The following TUSC3 variants were observed in gnomAD, a reference collection of about 807,000 sequenced individuals.
The protein encoded by TUSC3 is tumor suppressor candidate 3, also known as dolichyl-diphosphooligosaccharide--protein glycosyltransferase subunit TUSC3.
Under a neutral mutation model 44.8 loss-of-function variants are expected in TUSC3, and 45 were observed. That is an observed-to-expected ratio of 1.00 (90% confidence interval 0.79 to 1.29). The LOEUF (loss-of-function observed/expected upper bound fraction) is 1.29, where lower values mean the gene tolerates loss of function less well. Ranked by LOEUF, TUSC3 falls within the 50% of genes most tolerant of loss-of-function variation. TUSC3 has a pLI of 0.00. For synonymous variants in TUSC3, 212 were observed against 152.9 expected (o/e 1.39, Z -2.85); for missense variants, 519 against 437.9 (o/e 1.19, Z -1.65).
At chr8:15,839,330 C>A in the TUSC3 span, among the ~76,000 whole-genome samples, 1 of 151,814 alleles carries the variant, frequency 6.6e-6, no homozygotes, top group Non-Finnish European at 1.5e-5. Context: ...TTCCTCTTTT[C>A]CTAATGGAAT....
intron 2 of TUSC3, among the ~76,000 whole-genome samples, chr8:15,638,206 C>A (rs895724472): frequency 1.3e-5 from 2 of 152,088 alleles, no homozygotes; most frequent in East Asian, 3.9e-4. Flanking sequence ...CCCTCGTACC[C>A]CTTTTTCCCT....
intron 1 of TUSC3, among the ~76,000 whole-genome samples, chr8:15,573,470 G>A (rs1802969839): frequency 1.3e-5 from 2 of 151,860 alleles, no homozygotes; most frequent in African/African-American, 2.4e-5. Context: ...GATAGAAGGA[G>A]CCCAGTGGGT....
chr8:15,614,577 A>C (rs1804906894), intron 1 of TUSC3, among the ~76,000 whole-genome samples: 2 of 152,196 alleles, frequency 1.3e-5, no homozygotes, highest in South Asian at 4.1e-4. Flanking sequence ...TCTTTCAGTG[A>C]ATATAATGTT....
At chr8:15,613,859 A>G (rs1213160164) in intron 1 of TUSC3, among the ~76,000 whole-genome samples, 1 of 152,132 alleles carries the variant, frequency 6.6e-6, no homozygotes, top group Non-Finnish European at 1.5e-5. Flanking sequence ...GCTGAGATTC[A>G]TGAGCATAAT....
chr8:15,485,058 T>G (rs1431080870), intron 2 of TUSC3, among the ~76,000 whole-genome samples: 2 of 152,140 alleles, frequency 1.3e-5, no homozygotes, highest in Non-Finnish European at 2.9e-5. Flanking sequence ...GGTCATTCAT[T>G]TTTCATTTGC....
chr8:15,607,167 A>C (rs1251556045), intron 1 of TUSC3, among the ~76,000 whole-genome samples: 1 of 152,014 alleles, frequency 6.6e-6, no homozygotes, highest in Non-Finnish European at 1.5e-5. Flanking sequence ...GAACCAAGGA[A>C]ACGTGTGGAC....
intron 2 of TUSC3, among the ~76,000 whole-genome samples, chr8:15,495,082 T>G (rs1800863523): frequency 6.6e-6 from 1 of 152,116 alleles, no homozygotes; most frequent in Admixed American, 6.5e-5. Flanking sequence ...AAATACAGGA[T>G]CTCATTCTTT....
At chr8:15,431,722 G>A (rs1799875804) in intron 1 of TUSC3, among the ~76,000 whole-genome samples, 1 of 151,332 alleles carries the variant, frequency 6.6e-6, no homozygotes, top group Non-Finnish European at 1.5e-5. Flanking sequence ...TGGTAAGACT[G>A]GGCAACTTTG....
chr8:15,462,445 A>G (rs565797527), intron 1 of TUSC3, among the ~76,000 whole-genome samples: 2 of 152,210 alleles, frequency 1.3e-5, no homozygotes, highest in South Asian at 4.1e-4. Context: ...GACTAAAGGA[A>G]TTGCCCATGG....
At chr8:15,471,192 T>C (rs1340893382) in intron 1 of TUSC3, among the ~76,000 whole-genome samples, 1 of 152,188 alleles carries the variant, frequency 6.6e-6, no homozygotes, top group African/African-American at 2.4e-5. Context: ...TGGTAAATCA[T>C]CGTCTTACTT....
the TUSC3 span, among the ~76,000 whole-genome samples, chr8:15,814,022 T>A: frequency 2.6e-5 from 4 of 152,332 alleles, no homozygotes; most frequent in African/African-American, 7.2e-5. Flanking sequence ...AACAAGCTAA[T>A]AGCCATTAAA....
At chr8:15,703,859 C>T (rs987908011) in intron 6 of TUSC3, among the ~76,000 whole-genome samples, 1 of 152,122 alleles carries the variant, frequency 6.6e-6, no homozygotes, top group African/African-American at 2.4e-5. Context: ...AGGGGACAAA[C>T]ATACAAACCA....
At chr8:15,745,173 TTATC>T (rs1811357665) in intron 8 of TUSC3, among the ~76,000 whole-genome samples, 1 of 152,136 alleles carries the variant, frequency 6.6e-6, no homozygotes, top group East Asian at 1.9e-4. Flanking sequence ...CACATTTTCT[TTATC>T]TAGTCCGTCA....
At chr8:15,586,658 A>G (rs1803616802) in intron 1 of TUSC3, among the ~76,000 whole-genome samples, 1 of 152,168 alleles carries the variant, frequency 6.6e-6, no homozygotes, top group Non-Finnish European at 1.5e-5. Flanking sequence ...ACATGGTTTT[A>G]ATTTTCTCTA....
At chr8:15,513,387 T>A (rs1801169885) in intron 2 of TUSC3, among the ~76,000 whole-genome samples, 1 of 152,190 alleles carries the variant, frequency 6.6e-6, no homozygotes, top group East Asian at 1.9e-4. Flanking sequence ...TCATTTTATC[T>A]TTCCTAGGGA....
intron 1 of TUSC3, among the ~76,000 whole-genome samples, chr8:15,621,283 A>C (rs1008452868): frequency 6.6e-6 from 1 of 151,664 alleles, no homozygotes; most frequent in African/African-American, 2.4e-5. Context: ...AAAACTTATT[A>C]AATATATAAC....
intron 1 of TUSC3, among the ~76,000 whole-genome samples, chr8:15,562,713 T>A (rs1162037978): frequency 2.0e-5 from 3 of 152,144 alleles, no homozygotes; most frequent in Non-Finnish European, 4.4e-5. Flanking sequence ...CCTGCTTGTG[T>A]TGCTCTCAGT....
intron 5 of TUSC3, among the ~76,000 whole-genome samples, chr8:15,673,289 T>TA (rs1563165686): frequency 2.6e-5 from 4 of 152,232 alleles, no homozygotes; most frequent in East Asian, 3.9e-4. Flanking sequence ...TTTAGGTACT[T>TA]ACGGAGATTT....
the TUSC3 span, among the ~76,000 whole-genome samples, chr8:15,836,476 C>CA: frequency 5.4e-3 from 719 of 132,758 alleles, 5 homozygotes; most frequent in African/African-American, 0.019. Context: ...GACTCCATCT[C>CA]AAAAAAAAAA....
Sources: gnomAD v4.1 joint callset for allele counts (sites outside exome capture counted in the v4.1 genomes callset) on GRCh38, gnomAD v4.1.1 for gene constraint, MANE v1.5 for transcripts, NCBI Gene and HGNC (gene_info 2026-07-23, HGNC 2026-07-21) for gene names.